The following AOPEP variants were observed in gnomAD, a reference collection of about 807,000 sequenced individuals.
AOPEP encodes the protein aminopeptidase O (putative).
A neutral mutation model predicts 98.1 loss-of-function variants in AOPEP; 77 were observed. That is an observed-to-expected ratio of 0.78 (90% CI 0.65 to 0.95). The LOEUF is 0.95. AOPEP is among the 40% of genes least tolerant of loss of function. The pLI is 0.00. For missense variants in AOPEP, 1,024 were observed against 1,024.7 expected (o/e 1.00, Z 0.01); for synonymous variants, 346 against 365.3 (o/e 0.95, Z 0.60).
chr9:94,872,259 C>T (rs1327283971), intron 5 of AOPEP, among the ~76,000 whole-genome samples: 4 of 152,080 alleles, frequency 2.6e-5, no homozygotes, highest in African/African-American at 9.7e-5. Flanking sequence ...TAAACGGGGG[C>T]AGTAGTCATT....
At chr9:94,753,877 T>A (rs748888161) in intron 1 of AOPEP, among the ~76,000 whole-genome samples, 3 of 152,244 alleles carry the variant, frequency 2.0e-5, no homozygotes, top group African/African-American at 7.2e-5. Flanking sequence ...CACCTGTGCC[T>A]CTTTTTATGC....
intron 3 of AOPEP, among the ~76,000 whole-genome samples, chr9:94,785,393 C>T (rs527731940): frequency 4.2e-4 from 64 of 152,224 alleles, no homozygotes; most frequent in African/African-American, 1.5e-3. Context: ...ATTGTCAATA[C>T]GTCATACGAT....
At chr9:94,857,786 T>C (rs2044410031) in intron 5 of AOPEP, among the ~76,000 whole-genome samples, 1 of 152,214 alleles carries the variant, frequency 6.6e-6, no homozygotes, top group South Asian at 2.1e-4. Flanking sequence ...TTTAAAGCAG[T>C]TGCTTATCTA....
At chr9:95,130,074 G>A in the AOPEP span, among the ~76,000 whole-genome samples, 1 of 152,138 alleles carries the variant, frequency 6.6e-6, no homozygotes, top group Non-Finnish European at 1.5e-5. Flanking sequence ...TGGAAGAGAG[G>A]CAAGGGAGAG....
chr9:95,123,688 G>T, the AOPEP span: 4 of 670,742 alleles, frequency 6.0e-6, no homozygotes, highest in South Asian at 5.4e-5. Context: ...TTTCTGAAGC[G>T]AGCGTCTTTG....
At chr9:94,872,193 G>A (rs1181382561) in intron 5 of AOPEP, among the ~76,000 whole-genome samples, 3 of 152,248 alleles carry the variant, frequency 2.0e-5, no homozygotes, top group African/African-American at 4.8e-5. Context: ...CAAGTGAGGC[G>A]TGTGTTTAAA....
intron 5 of AOPEP, among the ~76,000 whole-genome samples, chr9:94,825,457 A>G (rs1162088120): frequency 6.6e-6 from 1 of 152,254 alleles, no homozygotes; most frequent in African/African-American, 2.4e-5. Context: ...TCCAGGAAAC[A>G]TACATCTTTA....
intron 5 of AOPEP, among the ~76,000 whole-genome samples, chr9:94,909,578 G>A (rs1304993542): frequency 6.6e-6 from 1 of 152,216 alleles, no homozygotes; most frequent in Non-Finnish European, 1.5e-5. Context: ...TTTGTCAGCA[G>A]AAGTAAAGGC....
chr9:94,895,649 C>T (rs1370298546), intron 5 of AOPEP, among the ~76,000 whole-genome samples: 1 of 151,836 alleles, frequency 6.6e-6, no homozygotes, highest in South Asian at 2.1e-4. Flanking sequence ...AGTGCAGTGG[C>T]ATGATCTCAG....
rs190102154 is a variant in AOPEP at position 94,735,106 on chromosome 9, G to A, written c.-136+8355G>A. On this transcript the variant is annotated intron_variant, in intron 1 of 16. Coordinates refer to ENST00000375315, the MANE Select transcript of AOPEP (RefSeq NM_001193329.3). ...AATTTTGTTTTCATGGCTTTGTGAT[G>A]GCAAGAGTTGGTTTAAGTAGCTCAT... Among the ~76,000 whole-genome samples, 8 of 152,208 alleles carry A rather than the reference G, an allele frequency of 5.3e-5. No homozygotes were observed. In the East Asian group the frequency reaches 1.5e-3, roughly 29 times the overall value.
At chr9:95,039,743 C>G (rs2065131510) in intron 13 of AOPEP, among the ~76,000 whole-genome samples, 1 of 151,766 alleles carries the variant, frequency 6.6e-6, no homozygotes, top group African/African-American at 2.4e-5. Context: ...TTTCTTCATT[C>G]ATTCATTCAT....
In AOPEP at chr9:95,080,705, G is replaced by A. The variant is rs777500322; in HGVS notation, c.2244G>A (p.Arg748=). Residue 748 remains arginine, a synonymous_variant, in exon 15 of 17, where the codon CGG becomes CGA. Transcript: ENST00000375315. ...LQDQDAEVRH[R]WCELIVKHKF... ...TCTTGTTCCTCCAGGTTCGCCATCGGTGGTGTGAACTCATTGTTAAGCACA... is the reference window on the plus strand; with the variant it reads ...TCTTGTTCCTCCAGGTTCGCCATCGATGGTGTGAACTCATTGTTAAGCACA... 1.2e-6 allele frequency: 2 copies of A among 1,613,622 alleles called. No individual in the cohort carries two copies. Among genetic ancestry groups the A allele is most frequent in the Non-Finnish European group, 1.7e-6 (2 of 1,179,898 alleles).
chr9:94,812,969 C>T (rs1850931649), intron 5 of AOPEP, among the ~76,000 whole-genome samples: 1 of 152,036 alleles, frequency 6.6e-6, no homozygotes, highest in Non-Finnish European at 1.5e-5. Context: ...CCCAAGGAAC[C>T]TTGGATATGA....
At chr9:94,890,211 G>A (rs1184963756) in intron 5 of AOPEP, among the ~76,000 whole-genome samples, 3 of 144,968 alleles carry the variant, frequency 2.1e-5, no homozygotes, top group Admixed American at 2.1e-4. Context: ...TGGTTTTTTT[G>A]TTTTTTTTTG....
At chr9:95,073,900 G>T (rs996036213) in intron 14 of AOPEP, among the ~76,000 whole-genome samples, 1 of 152,190 alleles carries the variant, frequency 6.6e-6, no homozygotes. Flanking sequence ...ACTGCATTGC[G>T]TGTAGTGAAG....
chr9:95,040,380 C>T (rs753267042), intron 13 of AOPEP, among the ~76,000 whole-genome samples: 25 of 152,238 alleles, frequency 1.6e-4, no homozygotes, highest in Non-Finnish European at 1.8e-4. Flanking sequence ...CTGTGTCCCA[C>T]GATATGTGAT....
chr9:95,095,354 A>G, the AOPEP span, among the ~76,000 whole-genome samples: 2 of 151,960 alleles, frequency 1.3e-5, no homozygotes, highest in Admixed American at 6.5e-5. Context: ...GATGGTTGGG[A>G]GCACCTGGGC....
At chr9:94,888,943 G>A (rs1208760061) in intron 5 of AOPEP, among the ~76,000 whole-genome samples, 1 of 152,138 alleles carries the variant, frequency 6.6e-6, no homozygotes, top group Non-Finnish European at 1.5e-5. Flanking sequence ...CCACATGACT[G>A]TGGTATACCA....
At chr9:94,812,436 G>A (rs772594635) in intron 5 of AOPEP, among the ~76,000 whole-genome samples, 32 of 152,056 alleles carry the variant, frequency 2.1e-4, no homozygotes, top group Admixed American at 1.5e-3. Flanking sequence ...ACACTGTCTC[G>A]CTCCAAGGGA....
Sources: gnomAD v4.1 joint callset for allele counts (sites outside exome capture counted in the v4.1 genomes callset) on GRCh38, gnomAD v4.1.1 for gene constraint, MANE v1.5 for transcripts, NCBI Gene and HGNC (gene_info 2026-07-23, HGNC 2026-07-21) for gene names.